Variants in STAG1 observed in about 807,000 individuals in gnomAD.
STAG1 encodes the protein cohesin subunit SA-1.
Under a neutral mutation model 170.9 loss-of-function variants are expected in STAG1, and 26 were observed. The observed-to-expected ratio is 0.15, with a 90% CI of 0.11 to 0.21. The LOEUF (loss-of-function observed/expected upper bound fraction) is 0.21, where lower values mean the gene tolerates loss of function less well. Ranked by LOEUF, STAG1 falls within the 10% of genes least tolerant of loss-of-function variation. The pLI, the probability that STAG1 is intolerant of heterozygous loss-of-function variation, is 1.00. For synonymous variants in STAG1, 514 were observed against 497.7 expected, an observed-to-expected ratio of 1.03 and a Z score of -0.44; for missense variants, 964 against 1,509.5, an observed-to-expected ratio of 0.64 and a Z score of 5.99.
intron 1 of STAG1, among the ~76,000 whole-genome samples, chr3:136,730,261 G>A (rs1177968635): frequency 6.6e-6 from 1 of 152,136 alleles, no homozygotes; most frequent in Admixed American, 6.5e-5. Flanking sequence ...ACACAACTGT[G>A]ATTTGTTGCC....
intron 4 of STAG1, among the ~76,000 whole-genome samples, chr3:136,579,928 G>T (rs577545974): frequency 7.6e-4 from 113 of 148,482 alleles, no homozygotes; most frequent in Non-Finnish European, 1.1e-3. Context: ...CAGAACAGGG[G>T]ATTGCTATTT....
intron 7 of STAG1, among the ~76,000 whole-genome samples, chr3:136,512,969 GGACT>G (rs1037624433): frequency 6.6e-6 from 1 of 152,136 alleles, no homozygotes; most frequent in African/African-American, 2.4e-5. Flanking sequence ...AAAAAGGTTA[GGACT>G]GACAGCAGAA....
intron 15 of STAG1, 100 bp downstream of exon 15, chr3:136,443,187 T>C: frequency 1.4e-6 from 1 of 694,616 alleles, no homozygotes; most frequent in Admixed American, 2.7e-5. Flanking sequence ...AGACACAACA[T>C]GCTTATATAT....
At chr3:136,341,200 C>T (rs997736513) in intron 31 of STAG1, among the ~76,000 whole-genome samples, 6 of 152,202 alleles carry the variant, frequency 3.9e-5, no homozygotes, top group African/African-American at 9.7e-5. Context: ...GGAGCCACCG[C>T]GCCTAGCCAG....
intron 5 of STAG1, among the ~76,000 whole-genome samples, chr3:136,560,580 C>T (rs1011573992): frequency 2.4e-4 from 36 of 152,166 alleles, no homozygotes; most frequent in Admixed American, 2.3e-3. Flanking sequence ...ATTTTTCCCA[C>T]TTCATTGATA....
chr3:136,371,514 T>A (rs1455787992), intron 23 of STAG1, among the ~76,000 whole-genome samples: 1 of 152,234 alleles, frequency 6.6e-6, no homozygotes, highest in Non-Finnish European at 1.5e-5. Context: ...CTTTAATCCA[T>A]CTTGAATTAA....
chr3:136,421,055 G>A (rs757465341), intron 20 of STAG1, 38 bp downstream of exon 20: 41 of 1,355,004 alleles, frequency 3.0e-5, no homozygotes, highest in Non-Finnish European at 4.1e-6. Flanking sequence ...ACAGGCATGA[G>A]CCACCTCGTT....
At chr3:136,418,578 ATG>A (rs779029506) in intron 20 of STAG1, among the ~76,000 whole-genome samples, 28 of 151,868 alleles carry the variant, frequency 1.8e-4, no homozygotes, top group Non-Finnish European at 3.5e-4. Flanking sequence ...TTTCTACCAC[ATG>A]GTCAAGCTAA....
intron 1 of STAG1, among the ~76,000 whole-genome samples, chr3:136,666,618 G>C (rs1186774009): frequency 1.3e-5 from 2 of 152,086 alleles, no homozygotes; most frequent in Admixed American, 1.3e-4. Flanking sequence ...AGGAGTTCAA[G>C]ACCAGCCTGG....
intron 4 of STAG1, among the ~76,000 whole-genome samples, chr3:136,594,483 G>A (rs1445840392): frequency 1.3e-5 from 2 of 152,082 alleles, no homozygotes; most frequent in African/African-American, 4.8e-5. Flanking sequence ...GTTGTCAAAA[G>A]CAAACAGAAG....
chr3:136,561,686 T>A (rs561032048), intron 5 of STAG1, among the ~76,000 whole-genome samples: 28 of 152,370 alleles, frequency 1.8e-4, no homozygotes, highest in South Asian at 4.1e-4. Flanking sequence ...TTACTTTTTA[T>A]TGTCCAAATG....
chr3:136,345,070 G>C (rs1203111573), intron 29 of STAG1, among the ~76,000 whole-genome samples: 1 of 151,874 alleles, frequency 6.6e-6, no homozygotes, highest in Non-Finnish European at 1.5e-5. Flanking sequence ...TTTTCTTTCA[G>C]AACTTATGAA....
intron 1 of STAG1, among the ~76,000 whole-genome samples, chr3:136,710,795 A>G (rs1943361741): frequency 6.6e-6 from 1 of 152,128 alleles, no homozygotes. Context: ...ACCAAAAAAA[A>G]AATGAAGTGA....
At chr3:136,477,589 A>C (rs2089785040) in intron 9 of STAG1, among the ~76,000 whole-genome samples, 177 bp from the exon 10 acceptor site, 1 of 152,118 alleles carries the variant, frequency 6.6e-6, no homozygotes, top group South Asian at 2.1e-4. Context: ...AACACTAATA[A>C]TACCAAACTG....
chr3:136,624,361 A>C (rs1285972704), intron 2 of STAG1, among the ~76,000 whole-genome samples: 1 of 152,102 alleles, frequency 6.6e-6, no homozygotes, highest in Non-Finnish European at 1.5e-5. Context: ...CGGCCTCCCA[A>C]AGTGCTGGGA....
intron 3 of STAG1, among the ~76,000 whole-genome samples, chr3:136,611,896 G>T (rs1939306012): frequency 6.6e-6 from 1 of 151,680 alleles, no homozygotes; most frequent in Non-Finnish European, 1.5e-5. Flanking sequence ...CGCCCAGGCT[G>T]AAGTGCAGTG....
intron 16 of STAG1, among the ~76,000 whole-genome samples, chr3:136,432,365 C>T (rs971719944): frequency 1.3e-5 from 2 of 152,038 alleles, no homozygotes; most frequent in African/African-American, 4.8e-5. Context: ...AACATATAGC[C>T]CTACTGAGAA....
chr3:136,530,529 C>A (rs560075407), intron 6 of STAG1, among the ~76,000 whole-genome samples: 1 of 152,202 alleles, frequency 6.6e-6, no homozygotes, highest in South Asian at 2.1e-4. Context: ...CAAAACAAGT[C>A]TCGTCAAATT....
chr3:136,647,399 G>A (rs1013499382), intron 1 of STAG1, among the ~76,000 whole-genome samples: 26 of 151,978 alleles, frequency 1.7e-4, no homozygotes, highest in African/African-American at 6.0e-4. Flanking sequence ...GAGAAACCCC[G>A]TCTCTACTAA....
Sources: allele counts gnomAD v4.1 joint callset (sites outside exome capture counted in the v4.1 genomes callset), GRCh38; gene constraint gnomAD v4.1.1; transcripts MANE v1.5; gene names NCBI Gene and HGNC (gene_info 2026-07-23, HGNC 2026-07-21).